Variants in ZNF385D observed in about 807,000 individuals in gnomAD.
ZNF385D encodes the protein zinc finger protein 659.
ZNF385D carries 15 observed loss-of-function variants against 35.8 expected under a neutral mutation model. That is an observed-to-expected ratio of 0.42 (90% CI 0.28 to 0.64). The LOEUF is 0.64. Among genes scored for constraint, ZNF385D ranks in the 30% least tolerant of loss-of-function variants. ZNF385D has a pLI of 0.23. For missense variants in ZNF385D, 474 were observed against 494.6 expected (o/e 0.96, Z 0.39); for synonymous variants, 212 against 186.8 (o/e 1.13, Z -1.10).
rs145024040 is a variant in ZNF385D, at chr3:22,212,846, G to A, written c.107-43811C>T. ...ATCTTATTTATGGCCTTTCTGAGAA[G>A]AAATTATTAAGTAATACTTAATTTC... On this transcript the variant is annotated intron_variant, in intron 2 of 5. Transcript: ENST00000494108. Among the ~76,000 whole-genome samples the A allele has an allele frequency of 1.5e-3, 232 of 151,954 alleles. 1 individual carries two copies. Among genetic ancestry groups the A allele is most frequent in the African/African-American group, 5.2e-3 (216 of 41,500 alleles).
chr3:21,749,602 G>C (rs1310536738), intron 1 of ZNF385D, among the ~76,000 whole-genome samples: 2 of 152,190 alleles, frequency 1.3e-5, no homozygotes, highest in Admixed American at 6.5e-5. Flanking sequence ...ACTGGAAAGA[G>C]ATGGTTTTTA....
intron 2 of ZNF385D, among the ~76,000 whole-genome samples, chr3:21,599,214 T>C (rs1320823535): frequency 6.6e-6 from 1 of 152,158 alleles, no homozygotes; most frequent in Non-Finnish European, 1.5e-5. Flanking sequence ...TTGGCTGAAC[T>C]ATTTTTTGTA....
At chr3:22,176,841 AAAC>A (rs1268122687) in intron 2 of ZNF385D, among the ~76,000 whole-genome samples, 6 of 152,332 alleles carry the variant, frequency 3.9e-5, no homozygotes, top group South Asian at 2.1e-4. Context: ...TCGAAAATAA[AAAC>A]AACAACATTT....
At chr3:21,605,649 C>T (rs1023009886) in intron 2 of ZNF385D, among the ~76,000 whole-genome samples, 8 of 152,164 alleles carry the variant, frequency 5.3e-5, no homozygotes, top group Non-Finnish European at 1.0e-4. Flanking sequence ...TTTATGACTT[C>T]TTCATGCCTC....
chr3:21,919,881 T>C (rs548747319), intron 3 of ZNF385D, among the ~76,000 whole-genome samples: 62 of 152,328 alleles, frequency 4.1e-4, no homozygotes, highest in African/African-American at 1.4e-3. Flanking sequence ...GAATAACTTT[T>C]CCAAAGTGTC....
chr3:22,157,157 C>G (rs1705640715), intron 3 of ZNF385D, among the ~76,000 whole-genome samples: 1 of 152,098 alleles, frequency 6.6e-6, no homozygotes, highest in Admixed American at 6.6e-5. Context: ...CAGGGACTGG[C>G]CCTACCTCTT....
chr3:21,565,044 C>T (rs959115608), intron 2 of ZNF385D, among the ~76,000 whole-genome samples: 1 of 152,042 alleles, frequency 6.6e-6, no homozygotes, highest in Admixed American at 6.6e-5. Context: ...ATGTCTATAC[C>T]ATTGCCCAAA....
chr3:21,654,329 G>A (rs9881055), intron 2 of ZNF385D, among the ~76,000 whole-genome samples: 109,021 of 151,876 alleles, frequency 0.72, 39,515 homozygotes, highest in Admixed American at 0.76. Flanking sequence ...GTTATACTTC[G>A]AAGAAAGGCA....
chr3:22,287,719 A>G (rs1335111731), intron 2 of ZNF385D, among the ~76,000 whole-genome samples: 1 of 152,070 alleles, frequency 6.6e-6, no homozygotes, highest in Non-Finnish European at 1.5e-5. Context: ...TCAACAAGAT[A>G]TTATAGCTAT....
At chr3:21,719,350 T>C (rs951019493) in intron 1 of ZNF385D, among the ~76,000 whole-genome samples, 3 of 152,190 alleles carry the variant, frequency 2.0e-5, no homozygotes, top group Non-Finnish European at 4.4e-5. Flanking sequence ...GAATAAGTAG[T>C]CAAGGAACTG....
chr3:21,788,432 T>G (rs140177259), intron 3 of ZNF385D, among the ~76,000 whole-genome samples: 5 of 152,244 alleles, frequency 3.3e-5, no homozygotes, highest in African/African-American at 1.2e-4. Flanking sequence ...GAGCTGAGAC[T>G]GCACCCACTG....
At chr3:22,057,516 T>C (rs887267096) in intron 3 of ZNF385D, among the ~76,000 whole-genome samples, 1 of 151,384 alleles carries the variant, frequency 6.6e-6, no homozygotes, top group Non-Finnish European at 1.5e-5. Flanking sequence ...TTAAAGTATT[T>C]TTTTTTTTTT....
At chr3:21,790,740 T>C (rs1019687928) in intron 3 of ZNF385D, among the ~76,000 whole-genome samples, 5 of 152,190 alleles carry the variant, frequency 3.3e-5, no homozygotes, top group African/African-American at 1.2e-4. Context: ...ACTAGGTCTT[T>C]TTATGTTTGA....
In ZNF385D at chr3:21,874,845, G is replaced by C. The variant is rs571020144; in HGVS notation, c.326-209817C>G. Among the ~76,000 whole-genome samples, 3 of 152,052 alleles carry C rather than the reference G, an allele frequency of 2.0e-5. No individual in the cohort carries two copies. The South Asian group carries it at 6.2e-4, about 32-fold the overall frequency. On this transcript the variant is annotated intron_variant, in intron 3 of 5. Transcript: ENST00000494108. ...AGTGTGGACATTTTAACAATATTAAGTATTTCAATTCATGAACATGAGATG... is the reference window on the plus strand; with the variant it reads ...AGTGTGGACATTTTAACAATATTAACTATTTCAATTCATGAACATGAGATG...
chr3:21,538,668 G>A (rs1411327579), intron 3 of ZNF385D, among the ~76,000 whole-genome samples: 1 of 152,054 alleles, frequency 6.6e-6, no homozygotes, highest in East Asian at 1.9e-4. Context: ...TGCATCAAAT[G>A]TTCTGCCAAC....
At chr3:22,300,003 A>T (rs985667912) in intron 2 of ZNF385D, among the ~76,000 whole-genome samples, 2 of 152,010 alleles carry the variant, frequency 1.3e-5, no homozygotes, top group African/African-American at 2.4e-5. Context: ...GAGCCAAAGC[A>T]ATCTTGAGCA....
chr3:22,007,226 T>C (rs1696265813), intron 3 of ZNF385D, among the ~76,000 whole-genome samples: 1 of 152,244 alleles, frequency 6.6e-6, no homozygotes, highest in South Asian at 2.1e-4. Context: ...CCCTGTATTT[T>C]CTTTTGTAAA....
At chr3:21,926,664 G>C (rs563693272) in intron 3 of ZNF385D, among the ~76,000 whole-genome samples, 6 of 152,110 alleles carry the variant, frequency 3.9e-5, no homozygotes, top group Non-Finnish European at 7.4e-5. Context: ...ATGGATTAAA[G>C]ACTTAAATGT....
At chr3:21,674,700 G>T (rs990478523) in intron 1 of ZNF385D, among the ~76,000 whole-genome samples, 5 of 152,200 alleles carry the variant, frequency 3.3e-5, no homozygotes, top group African/African-American at 1.2e-4. Context: ...TCTGTAGAAA[G>T]ATCACTCCCT....
Sources: gnomAD v4.1 joint callset for allele counts (sites outside exome capture counted in the v4.1 genomes callset) on GRCh38, gnomAD v4.1.1 for gene constraint, MANE v1.5 for transcripts, NCBI Gene and HGNC (gene_info 2026-07-23, HGNC 2026-07-21) for gene names.